Variants in DNAH12 observed in about 807,000 individuals in gnomAD.
DNAH12 encodes axonemal beta dynein heavy chain 12.
A neutral mutation model predicts 371.5 loss-of-function variants in DNAH12; 285 were observed. The ratio of observed to expected loss-of-function variants is 0.77; its 90% CI spans 0.70 to 0.85. The LOEUF (loss-of-function observed/expected upper bound fraction) is 0.85, where lower values mean the gene tolerates loss of function less well. Ranked by LOEUF, DNAH12 falls within the 40% of genes least tolerant of loss-of-function variation. DNAH12 has a pLI of 0.00. For missense variants in DNAH12, 3,611 were observed against 3,689.4 expected, an observed-to-expected ratio of 0.98 and a Z score of 0.55; for synonymous variants, 1,200 against 1,213.0, an observed-to-expected ratio of 0.99 and a Z score of 0.22.
intron 62 of DNAH12, among the ~76,000 whole-genome samples, chr3:57,328,766 A>C (rs1314053776): frequency 3.0e-5 from 4 of 131,786 alleles, no homozygotes; most frequent in Non-Finnish European, 3.1e-5. Flanking sequence ...AGAGGAAGTC[A>C]AATTGTCCCT....
intron 6 of DNAH12, 21 bp from the exon 7 acceptor site, chr3:57,508,561 AT>A (rs773747145): frequency 6.3e-7 from 1 of 1,598,494 alleles, no homozygotes; most frequent in South Asian, 1.1e-5. Context: ...AAAACACCAT[AT>A]CAAACATGAT....
At chr3:57,430,671 A>G (rs2064929741) in intron 32 of DNAH12, among the ~76,000 whole-genome samples, 1 of 152,150 alleles carries the variant, frequency 6.6e-6, no homozygotes, top group Admixed American at 6.5e-5. Flanking sequence ...TAGTATTATT[A>G]TTATTAACTT....
chr3:57,438,307 G>A (rs778946204), intron 29 of DNAH12, among the ~76,000 whole-genome samples: 3 of 149,004 alleles, frequency 2.0e-5, no homozygotes, highest in African/African-American at 7.4e-5. Flanking sequence ...GCGAAACTTC[G>A]TCTCAACAAC....
At chr3:57,515,947 T>C (rs1559742007) in intron 4 of DNAH12, among the ~76,000 whole-genome samples, 1 of 151,824 alleles carries the variant, frequency 6.6e-6, no homozygotes, top group Non-Finnish European at 1.5e-5. Context: ...TAGATGGACA[T>C]TTTTTCTTTT....
chr3:57,498,659 A>G, intron 11 of DNAH12: 2 of 693,890 alleles, frequency 2.9e-6, no homozygotes, highest in Admixed American at 2.1e-5. Flanking sequence ...ACGTGAATGA[A>G]TAAAGAAACT....
intron 60 of DNAH12, among the ~76,000 whole-genome samples, chr3:57,340,524 T>C (rs961431563): frequency 6.6e-6 from 1 of 152,072 alleles, no homozygotes. Flanking sequence ...TATAAACAAT[T>C]ATAAACTAAT....
Position 57,352,194 on chromosome 3 carries a change from G to A in DNAH12, c.9565C>T (p.Arg3189Ter), listed in dbSNP as rs1319641885. The A allele has an allele frequency of 3.3e-6, 5 of 1,536,350 alleles. No homozygotes were observed. Among genetic ancestry groups the A allele is most frequent in the Middle Eastern group, 1.7e-4 (1 of 5,952 alleles). Residue 3189 changes from arginine (R) to a stop codon, truncating the protein, a stop_gained, in exon 60 of 74, where the codon CGA (arginine) becomes TGA (stop). Coordinates refer to ENST00000495027, the MANE Select transcript of DNAH12 (RefSeq NM_001366028.2). LOFTEE classifies it high-confidence loss of function. ...TATGTGAAGTGGTCATTTAAATATCGTAGGCGCTTTTCCAAAATCTTGGAT... is the reference window on the plus strand; with the variant it reads ...TATGTGAAGTGGTCATTTAAATATCATAGGCGCTTTTCCAAAATCTTGGAT... ...NKSKILEKRLRYLNDHFTYNL... is the reference protein window; with the variant it reads ...NKSKILEKRL
At chr3:57,314,720 CA>C in intron 65 of DNAH12, 89 bp from the exon 66 acceptor site, 1 of 1,365,968 alleles carries the variant, frequency 7.3e-7, no homozygotes, top group Non-Finnish European at 9.7e-7. Context: ...ATCTTTCTCA[CA>C]AGATTCTGTG....
intron 59 of DNAH12, among the ~76,000 whole-genome samples, chr3:57,353,625 T>A (rs2062734630): frequency 6.6e-6 from 1 of 152,196 alleles, no homozygotes; most frequent in Non-Finnish European, 1.5e-5. Context: ...TTTCAAACTG[T>A]ACATCTGACA....
At chr3:57,337,102 A>G (rs896317874) in intron 60 of DNAH12, among the ~76,000 whole-genome samples, 1 of 152,240 alleles carries the variant, frequency 6.6e-6, no homozygotes, top group African/African-American at 2.4e-5. Context: ...GAGTAGCTAT[A>G]TTTACATCAG....
At chr3:57,341,111 C>A (rs535672796) in intron 60 of DNAH12, among the ~76,000 whole-genome samples, 1 of 151,122 alleles carries the variant, frequency 6.6e-6, no homozygotes, top group Non-Finnish European at 1.5e-5. Flanking sequence ...ATAAATTAGG[C>A]ATAGAAGGAA....
intron 55 of DNAH12, among the ~76,000 whole-genome samples, chr3:57,373,488 T>TA (rs2063219994): frequency 6.6e-6 from 1 of 151,306 alleles, no homozygotes; most frequent in African/African-American, 2.4e-5. Flanking sequence ...CTAATTTTTT[T>TA]TTTTTTTTTG....
chr3:57,467,123 GT>G (rs2066226703), intron 17 of DNAH12, among the ~76,000 whole-genome samples: 1 of 151,966 alleles, frequency 6.6e-6, no homozygotes, highest in Non-Finnish European at 1.5e-5. Flanking sequence ...CTCTATCAAG[GT>G]TTTTTTGAGT....
rs546262297 is a variant in DNAH12 at position 57,338,805 on chromosome 3, C to T, written c.9675-3865G>A. 2.6e-5 allele frequency among the ~76,000 whole-genome samples: 4 copies of T among 152,348 alleles called. No individual in the cohort carries two copies. The East Asian group carries it at 7.7e-4, about 29-fold the overall frequency. ...ACCCCGTCTGGGAAGTGAGGAGCAC[C>T]TCTGCCTGGCCGCTGTGCAATCTTC... On this transcript the variant is annotated intron_variant, in intron 60 of 73. Transcript: ENST00000495027.
chr3:57,322,548 C>A (rs995903112), intron 64 of DNAH12, 65 bp from the exon 65 acceptor site: 2 of 1,462,742 alleles, frequency 1.4e-6, no homozygotes, highest in African/African-American at 2.9e-5. Context: ...AGTGCATATA[C>A]ACGTGGATTA....
intron 69 of DNAH12, among the ~76,000 whole-genome samples, chr3:57,305,447 A>G (rs572030778): frequency 0.015 from 2,298 of 152,074 alleles, 36 homozygotes; most frequent in South Asian, 0.049. Flanking sequence ...CACCCGGTCC[A>G]GCTTACAGTT....
At chr3:57,324,562 T>C (rs1181810819) in intron 62 of DNAH12, among the ~76,000 whole-genome samples, 2 of 151,920 alleles carry the variant, frequency 1.3e-5, no homozygotes, top group Admixed American at 6.6e-5. Context: ...TTGAAAGCCT[T>C]AAGAAAGAAA....
rs773457580 is a variant in DNAH12 at position 57,542,855 on chromosome 3, T to C, written c.16A>G (p.Lys6Glu). Residue 6 changes from lysine to glutamate, a missense_variant, in exon 2 of 74, where the codon AAA becomes GAA. Physicochemically the swap from Lys to Glu is moderately conservative, Grantham distance 56. Around this residue, in one of 3 missense-constraint regions of DNAH12, gnomAD observed 1,314 missense variants for 1,398.7 expected, o/e 0.94. Transcript: ENST00000495027. ...TCCTTTTCTGCTGCAATGGCAGCTT[T>C]GTTTGCATCTGACATCTTGATCCCC... MSDAN[K>E]AAIAAEKEAL... 3 of 1,592,782 alleles carry C rather than the reference T, an allele frequency of 1.9e-6. No homozygotes were observed. In the South Asian group the frequency reaches 3.5e-5, roughly 18 times the overall value.
chr3:57,372,568 C>G (rs2063198345), intron 55 of DNAH12, among the ~76,000 whole-genome samples: 1 of 151,438 alleles, frequency 6.6e-6, no homozygotes, highest in African/African-American at 2.4e-5. Flanking sequence ...GCACAAAAGA[C>G]AGAAAAGAGA....
Sources: gnomAD v4.1 joint callset for allele counts (sites outside exome capture counted in the v4.1 genomes callset) on GRCh38, gnomAD v4.1.1 for gene constraint, gnomAD v4.1.1 regional missense constraint, MANE v1.5 for transcripts, NCBI Gene and HGNC (gene_info 2026-07-23, HGNC 2026-07-21) for gene names.